POU2AF3: variants seen among roughly 807,000 people sequenced by gnomAD.
The protein encoded by POU2AF3 is POU class 2 homeobox associating factor 3.
chr11:111,304,163 A>G, the POU2AF3 span, among the ~76,000 whole-genome samples: 1 of 152,196 alleles, frequency 6.6e-6, no homozygotes, highest in African/African-American at 2.4e-5. Flanking sequence ...TATTTCATGT[A>G]TACTAAGAAC....
the POU2AF3 span, among the ~76,000 whole-genome samples, chr11:111,302,126 T>C: frequency 6.6e-6 from 1 of 152,232 alleles, no homozygotes; most frequent in South Asian, 2.1e-4. Context: ...AGATCAGAGA[T>C]CTGTACCTCG....
chr11:111,307,680 A>G, the POU2AF3 span, among the ~76,000 whole-genome samples: 1 of 152,212 alleles, frequency 6.6e-6, no homozygotes, highest in Non-Finnish European at 1.5e-5. Flanking sequence ...CTGATTCTTC[A>G]TGGTGAGGGT....
the POU2AF3 span, chr11:111,308,576 C>T: frequency 1.1e-6 from 1 of 937,702 alleles, no homozygotes; most frequent in East Asian, 2.7e-5. Flanking sequence ...TTTTCTGATG[C>T]TAAGCATTCA....
At chr11:111,303,226 T>C in the POU2AF3 span, among the ~76,000 whole-genome samples, 1 of 151,266 alleles carries the variant, frequency 6.6e-6, no homozygotes, top group Admixed American at 6.6e-5. Flanking sequence ...GCCAGATCAA[T>C]TTGCAAACAT....
At chr11:111,304,391 T>C in the POU2AF3 span, among the ~76,000 whole-genome samples, 38 of 152,324 alleles carry the variant, frequency 2.5e-4, no homozygotes, top group African/African-American at 8.9e-4. Context: ...CTCAAACTGT[T>C]ACATTTTTAC....
the POU2AF3 span, chr11:111,298,759 A>G: frequency 2.7e-6 from 3 of 1,128,018 alleles, no homozygotes; most frequent in Admixed American, 4.3e-5. Flanking sequence ...GCTCCCACTC[A>G]GCGCCTGTCC....
the POU2AF3 span, chr11:111,298,826 G>GGGGGGGCCCCC: frequency 3.8e-6 from 3 of 790,956 alleles, no homozygotes; most frequent in Non-Finnish European, 5.1e-6. Flanking sequence ...CGTACCCCAG[G>GGGGGGGCCCCC]CCCCCGCCCG....
At chr11:111,307,729 G>A in the POU2AF3 span, among the ~76,000 whole-genome samples, 1 of 152,346 alleles carries the variant, frequency 6.6e-6, no homozygotes, top group African/African-American at 2.4e-5. Flanking sequence ...AGCTTAGATT[G>A]TGGCATACAG....
At chr11:111,300,179 G>T in the POU2AF3 span, 1,614 of 341,772 alleles carry the variant, frequency 4.7e-3, 82 homozygotes, top group Admixed American at 0.068. Context: ...GAAAGCCAAG[G>T]TTCCCCCGAC....
the POU2AF3 span, chr11:111,308,505 G>A: frequency 7.1e-7 from 1 of 1,398,792 alleles, no homozygotes; most frequent in Non-Finnish European, 9.5e-7. Context: ...AGATGACACT[G>A]CAAAATATGC....
the POU2AF3 span, chr11:111,307,983 C>T: frequency 3.9e-6 from 5 of 1,296,230 alleles, no homozygotes; most frequent in African/African-American, 4.6e-5. Context: ...CATTTTCTCA[C>T]TCTGCATTGG....
the POU2AF3 span, chr11:111,299,281 G>A: frequency 1.1e-5 from 11 of 986,764 alleles, no homozygotes; most frequent in Non-Finnish European, 1.3e-5. Context: ...CTGAACGCGC[G>A]GTCACCCTCG....
chr11:111,299,132 A>G, the POU2AF3 span: 1 of 953,594 alleles, frequency 1.0e-6, no homozygotes, highest in East Asian at 1.2e-4. Flanking sequence ...GGTCCGGGCT[A>G]GGAAGAGCGC....
At chr11:111,308,275 C>T in the POU2AF3 span, 1 of 1,551,842 alleles carries the variant, frequency 6.4e-7, no homozygotes, top group Non-Finnish European at 8.7e-7. Context: ...CGGCCACCAC[C>T]TCCATCTGCT....
chr11:111,299,327 T>C, the POU2AF3 span: 8 of 988,122 alleles, frequency 8.1e-6, no homozygotes, highest in Non-Finnish European at 9.6e-6. Context: ...GCGCGATTCC[T>C]GGACGCACAC....
At chr11:111,301,923 G>T in the POU2AF3 span, among the ~76,000 whole-genome samples, 1 of 152,222 alleles carries the variant, frequency 6.6e-6, no homozygotes, top group East Asian at 1.9e-4. Context: ...TTAGAGTTCA[G>T]ATGCGAGCCA....
At chr11:111,303,155 G>C in the POU2AF3 span, among the ~76,000 whole-genome samples, 17 of 152,180 alleles carry the variant, frequency 1.1e-4, no homozygotes, top group Non-Finnish European at 2.1e-4. Flanking sequence ...TCTTCAAGCA[G>C]TGCCGGAAGA....
the POU2AF3 span, among the ~76,000 whole-genome samples, chr11:111,304,084 C>T: frequency 1.3e-5 from 2 of 152,068 alleles, no homozygotes; most frequent in East Asian, 1.9e-4. Context: ...TAATTCCCGA[C>T]CATTAACTAG....
chr11:111,306,901 C>T, the POU2AF3 span, among the ~76,000 whole-genome samples: 1 of 152,134 alleles, frequency 6.6e-6, no homozygotes, highest in Admixed American at 6.5e-5. Flanking sequence ...AGGTTCCTGG[C>T]AATATTCATT....
Sources: gnomAD v4.1 joint callset for allele counts (sites outside exome capture counted in the v4.1 genomes callset) on GRCh38, gnomAD v4.1.1 for gene constraint, MANE v1.5 for transcripts, NCBI Gene and HGNC (gene_info 2026-07-23, HGNC 2026-07-21) for gene names.